PRMT8: variants seen among roughly 807,000 people sequenced by gnomAD.
PRMT8 encodes the protein protein arginine methyltransferase 8, also known as protein arginine N-methyltransferase 8.
PRMT8 carries 7 observed loss-of-function variants against 47.1 expected under a neutral mutation model. That is an observed-to-expected ratio of 0.15 (90% CI 0.08 to 0.28). PRMT8 has a LOEUF of 0.28. Ranked by LOEUF, PRMT8 falls within the 10% of genes least tolerant of loss-of-function variation. The probability of loss-of-function intolerance (pLI) is 1.00; values close to 1 mark genes in which losing one functional copy is unlikely to be tolerated. For missense variants in PRMT8, 237 were observed against 505.4 expected, an observed-to-expected ratio of 0.47 and a Z score of 5.09; for synonymous variants, 188 against 186.5, an observed-to-expected ratio of 1.01 and a Z score of -0.07.
rs541334254 is a variant in PRMT8, at chr12:3,568,606, G to A, written c.482-100G>A. The stretch of plus-strand genomic sequence containing the variant: ...ACATCATATCCTAAAAGTAGAATCA[G>A]AATAGGGCTGAAACCTGGAGATCTG... On this transcript the variant is annotated intron_variant, in intron 4 of 9. Coordinates refer to ENST00000382622, the MANE Select transcript of PRMT8 (RefSeq NM_019854.5). 4.4e-6 allele frequency: 6 copies of A among 1,374,438 alleles called. 1 individual carries two copies. The highest frequency in any genetic ancestry group is 4.3e-5 in the African/African-American group (3 of 69,866). The allele number at this position is 1,374,438 out of a possible 1,614,324, so 85.1% of individuals were successfully genotyped here.
At chr12:3,421,196 A>G (rs1417945963) in intron 1 of PRMT8, among the ~76,000 whole-genome samples, 2 of 152,224 alleles carry the variant, frequency 1.3e-5, no homozygotes, top group African/African-American at 4.8e-5. Flanking sequence ...GTTAGCATCG[A>G]GGAGCAGACA....
chr12:3,386,853 G>A (rs1399431701), intron 1 of PRMT8, among the ~76,000 whole-genome samples: 1 of 152,050 alleles, frequency 6.6e-6, no homozygotes, highest in Non-Finnish European at 1.5e-5. Flanking sequence ...GAGATTACAG[G>A]CGCCTGCCAC....
At chr12:3,575,855 CTAA>C (rs1344609703) in intron 6 of PRMT8, among the ~76,000 whole-genome samples, 1 of 152,132 alleles carries the variant, frequency 6.6e-6, no homozygotes, top group Non-Finnish European at 1.5e-5. Flanking sequence ...CCCATCTCTA[CTAA>C]AAATACAAAA....
intron 1 of PRMT8, among the ~76,000 whole-genome samples, chr12:3,437,112 T>G (rs1041870089): frequency 1.3e-5 from 2 of 152,192 alleles, no homozygotes; most frequent in Non-Finnish European, 2.9e-5. Flanking sequence ...TCCTGGGGTA[T>G]CCAACACTGA....
rs1865664738 is a variant in PRMT8 at position 3,508,465 on chromosome 12, AGT to A, written c.75+16770_75+16771del. Among the ~76,000 whole-genome samples, 1 of 152,138 alleles carries A rather than the reference AGT, an allele frequency of 6.6e-6. No homozygotes were observed. The highest frequency in any genetic ancestry group is 2.4e-5 in the African/African-American group (1 of 41,412). On this transcript the variant is annotated intron_variant, in intron 1 of 9. Transcript: ENST00000382622. This position sits in a 1 kb window ranked among gnomAD's most constrained non-coding sequence, Gnocchi z 4.9. Reference sequence around the variant, plus strand: ...AGGGTCTGACATCTGAACGCGGGAGAGTGTGTTTCCTGTGAGAAACATGTTAA... The same window carrying A: ...AGGGTCTGACATCTGAACGCGGGAGAGTGTTTCCTGTGAGAAACATGTTAA...
intron 1 of PRMT8, among the ~76,000 whole-genome samples, chr12:3,419,434 A>C (rs893539966): frequency 2.6e-5 from 4 of 152,106 alleles, no homozygotes; most frequent in Non-Finnish European, 5.9e-5. Context: ...CGAACCCTGA[A>C]GCTGCATGCT....
At chr12:3,474,311 G>GT (rs1005068540) in intron 1 of PRMT8, among the ~76,000 whole-genome samples, 46 of 152,126 alleles carry the variant, frequency 3.0e-4, no homozygotes, top group African/African-American at 1.0e-3. Context: ...AAGCTTCTGT[G>GT]TTTTTTTGTG....
intron 1 of PRMT8, among the ~76,000 whole-genome samples, chr12:3,465,118 GT>G (rs575731754): frequency 0.37 from 10,318 of 27,704 alleles, 464 homozygotes; most frequent in South Asian, 0.43. Context: ...GTGAAACTCT[GT>G]CTCAAAAAAA....
rs937541780 is a variant in PRMT8 at position 3,386,777 on chromosome 12, G to A, written c.48+5335G>A. On this transcript the variant is annotated intron_variant, in intron 1 of 9. Coordinates refer to the PRMT8 transcript ENST00000452611. The stretch of plus-strand genomic sequence containing the variant: ...CAGGCTGGAGTGCAATGGCGCAATC[G>A]TGGCTCACTGCAACTTCTGTCTCCC... Among the ~76,000 whole-genome samples the A allele has an allele frequency of 1.7e-4, 25 of 150,464 alleles. 1 individual carries two copies. The highest frequency in any genetic ancestry group is 1.1e-3 in the Admixed American group (17 of 15,000).
rs147119186 is a variant in PRMT8, at chr12:3,563,811, G to C, written c.482-4895G>C. ...ATAAAACCAAGCACACAAGTTCCTAGGAGGATTACTGAAGTAACATACGGA... is the reference window on the plus strand; with the variant it reads ...ATAAAACCAAGCACACAAGTTCCTACGAGGATTACTGAAGTAACATACGGA... On this transcript the variant is annotated intron_variant, in intron 4 of 9. Transcript: ENST00000382622. Among the ~76,000 whole-genome samples the C allele has an allele frequency of 7.0e-3, 1,072 of 152,208 alleles. 8 individuals carry two copies. The highest frequency in any genetic ancestry group is 0.024 in the African/African-American group (1,001 of 41,534).
chr12:3,434,505 A>G (rs1864716708), intron 1 of PRMT8, among the ~76,000 whole-genome samples: 1 of 152,148 alleles, frequency 6.6e-6, no homozygotes, highest in Non-Finnish European at 1.5e-5. Flanking sequence ...AGGGAGCAAG[A>G]GCTATTTAAA....
At chr12:3,536,522 C>T (rs567736172) in intron 1 of PRMT8, among the ~76,000 whole-genome samples, 18 of 152,280 alleles carry the variant, frequency 1.2e-4, no homozygotes, top group African/African-American at 3.9e-4. Flanking sequence ...TGACCTTGAC[C>T]GTGCACAATG....
At chr12:3,481,846 C>A in intron 1 of PRMT8, among the ~76,000 whole-genome samples, 1 of 152,144 alleles carries the variant, frequency 6.6e-6, no homozygotes, top group South Asian at 2.1e-4. Context: ...AGAAGCTCTC[C>A]TGAGATGCTG....
chr12:3,497,334 G>C (rs1446176084), intron 1 of PRMT8, among the ~76,000 whole-genome samples: 1 of 152,190 alleles, frequency 6.6e-6, no homozygotes, highest in Admixed American at 6.5e-5. Flanking sequence ...AACCGAAGAT[G>C]CATTGTTGGC....
intron 4 of PRMT8, among the ~76,000 whole-genome samples, chr12:3,560,365 G>A (rs1376972003): frequency 6.6e-6 from 1 of 152,230 alleles, no homozygotes; most frequent in East Asian, 1.9e-4. Flanking sequence ...CTCCCGTGAT[G>A]GAGTTATTCA....
Position 3,593,605 on chromosome 12 carries a change from TG to T in PRMT8, c.*424del, listed in dbSNP as rs747799686. 2.1e-5 allele frequency: 5 copies of T among 233,192 alleles called. No homozygotes were observed. The highest frequency in any genetic ancestry group is 4.2e-5 in the Non-Finnish European group (5 of 119,252). 14.4% of individuals were successfully genotyped at this position (233,192 alleles called of 1,614,324 possible). A position where few individuals can be genotyped will look rare whatever the true frequency, so the allele number is the denominator to read the frequency against. On this transcript the variant is annotated 3_prime_UTR_variant, in exon 10 of 10. Coordinates refer to ENST00000382622, the MANE Select transcript of PRMT8 (RefSeq NM_019854.5). The surrounding 1 kb of genome is among the most constrained non-coding windows in gnomAD (Gnocchi z 4.8). ...TAGCATAAGCCAGATTATCTGTGTG[TG>T]CGGTGGTGTGCGTGTGCGTGCATGT...
chr12:3,513,620 A>G (rs577164817), intron 1 of PRMT8, among the ~76,000 whole-genome samples: 2 of 152,164 alleles, frequency 1.3e-5, no homozygotes, highest in Non-Finnish European at 2.9e-5. Flanking sequence ...GTGAGAGTGC[A>G]GTCTTCTCTG....
intron 1 of PRMT8, among the ~76,000 whole-genome samples, chr12:3,418,317 T>C (rs923482062): frequency 2.6e-5 from 4 of 152,202 alleles, no homozygotes; most frequent in Non-Finnish European, 4.4e-5. Flanking sequence ...GTTTAAGAAC[T>C]TGGAATTGCA....
At chr12:3,394,698 T>A (rs1298734012) in intron 1 of PRMT8, among the ~76,000 whole-genome samples, 4 of 152,080 alleles carry the variant, frequency 2.6e-5, no homozygotes, top group African/African-American at 9.7e-5. Flanking sequence ...TCTGCCCGGC[T>A]TTGGTATCAG....
Sources: allele counts gnomAD v4.1 joint callset (sites outside exome capture counted in the v4.1 genomes callset), GRCh38; gene constraint gnomAD v4.1.1; non-coding constraint Gnocchi (gnomAD v3.1); transcripts MANE v1.5; gene names NCBI Gene and HGNC (gene_info 2026-07-23, HGNC 2026-07-21).